Variants in AKAP13 observed in about 807,000 individuals in gnomAD.
The protein encoded by AKAP13 is A-kinase anchoring protein 13.
In AKAP13, 80 loss-of-function variants were observed where a neutral mutation model predicts 264.5. The observed-to-expected ratio is 0.30, with a 90% CI of 0.25 to 0.36. The LOEUF (loss-of-function observed/expected upper bound fraction) is 0.36, where lower values mean the gene tolerates loss of function less well. Ranked by LOEUF, AKAP13 falls within the 10% of genes least tolerant of loss-of-function variation. The probability of loss-of-function intolerance (pLI) is 1.00; values close to 1 mark genes in which losing one functional copy is unlikely to be tolerated. For synonymous variants in AKAP13, 1,380 were observed against 1,250.2 expected (o/e 1.10, Z -2.19); for missense variants, 3,712 against 3,435.2 (o/e 1.08, Z -2.01).
At chr15:85,557,535 G>A (rs1396399956) in intron 5 of AKAP13, among the ~76,000 whole-genome samples, 1 of 152,132 alleles carries the variant, frequency 6.6e-6, no homozygotes, top group South Asian at 2.1e-4. Context: ...CCAGGTTGGA[G>A]TGCAGTGGCC....
intron 2 of AKAP13, among the ~76,000 whole-genome samples, chr15:85,519,095 A>AT (rs940569493): frequency 1.9e-3 from 273 of 147,144 alleles, no homozygotes; most frequent in Middle Eastern, 7.2e-3. Context: ...ATCAAAGTGA[A>AT]TTTTTTTTTT....
chr15:85,686,286 T>C (rs1178920623), intron 16 of AKAP13, among the ~76,000 whole-genome samples: 1 of 152,066 alleles, frequency 6.6e-6, no homozygotes, highest in Non-Finnish European at 1.5e-5. Context: ...AAACATTGAA[T>C]TCAAGAATAT....
chr15:85,722,120 T>C lies in AKAP13; in HGVS notation c.6378+4T>C, dbSNP rs764101971. The C allele has an allele frequency of 3.7e-6, 6 of 1,613,500 alleles. No individual in the cohort carries two copies. The highest frequency in any genetic ancestry group is 1.7e-5 in the Admixed American group (1 of 59,872). On this transcript the variant is annotated splice_donor_region_variant and intron_variant, in intron 24 of 36. Transcript: ENST00000394518. ...GCGTTTTCAAGCCTTTGTAAAGGTA[T>C]TGATAAGAAACATGAAAATCCCCGT...
chr15:85,533,189 A>G (rs1315593584), intron 3 of AKAP13, among the ~76,000 whole-genome samples: 1 of 152,116 alleles, frequency 6.6e-6, no homozygotes, highest in African/African-American at 2.4e-5. Flanking sequence ...ATGTTTTCAG[A>G]TCTAATTTAG....
intron 30 of AKAP13, among the ~76,000 whole-genome samples, chr15:85,733,276 T>A (rs1010668254): frequency 6.6e-6 from 1 of 152,246 alleles, no homozygotes; most frequent in African/African-American, 2.4e-5. Context: ...AGGTATTAAT[T>A]ACTCTCAAGT....
At chr15:85,682,982 AT>A (rs1206843601) in intron 15 of AKAP13, among the ~76,000 whole-genome samples, 1 of 152,180 alleles carries the variant, frequency 6.6e-6, no homozygotes. Context: ...CAAGCAAAAG[AT>A]TTCTGTTCTG....
At chr15:85,483,849 T>C (rs1260057875) in intron 1 of AKAP13, among the ~76,000 whole-genome samples, 1 of 152,168 alleles carries the variant, frequency 6.6e-6, no homozygotes, top group East Asian at 1.9e-4. Flanking sequence ...ATTTTCTTTT[T>C]TTGCAATTTT....
chr15:85,744,077 A>G (rs1442888756), intron 36 of AKAP13: 2 of 488,256 alleles, frequency 4.1e-6, no homozygotes, highest in East Asian at 3.5e-5. Flanking sequence ...CGATCGAGGA[A>G]CTGGAGCTCA....
intron 2 of AKAP13, among the ~76,000 whole-genome samples, chr15:85,513,532 G>A (rs1328066598): frequency 6.6e-6 from 1 of 152,042 alleles, no homozygotes; most frequent in Non-Finnish European, 1.5e-5. Context: ...AACATCTTAC[G>A]CCATTTGCTG....
At chr15:85,594,871 G>A (rs1443636144) in intron 8 of AKAP13, among the ~76,000 whole-genome samples, 3 of 152,150 alleles carry the variant, frequency 2.0e-5, no homozygotes, top group Non-Finnish European at 2.9e-5. Flanking sequence ...CACCAGAAGA[G>A]TAAATGTGTA....
intron 8 of AKAP13, among the ~76,000 whole-genome samples, chr15:85,597,744 CT>C (rs920303418): frequency 6.6e-6 from 1 of 152,156 alleles, no homozygotes; most frequent in African/African-American, 2.4e-5. Flanking sequence ...TTGCCTTCTC[CT>C]TTCCTGAGCA....
chr15:85,676,862 G>A (rs1567189509), intron 14 of AKAP13: 1 of 818,742 alleles, frequency 1.2e-6, no homozygotes, highest in Non-Finnish European at 1.5e-6. Context: ...CATTCACCTA[G>A]ACAGCATTTC....
chr15:85,560,762 C>T (rs1229691394), intron 5 of AKAP13, among the ~76,000 whole-genome samples: 1 of 152,108 alleles, frequency 6.6e-6, no homozygotes, highest in Non-Finnish European at 1.5e-5. Flanking sequence ...CTTTTACCTA[C>T]TGATTTTTTG....
chr15:85,429,021 C>T (rs2072916597), intron 1 of AKAP13, among the ~76,000 whole-genome samples: 2 of 152,120 alleles, frequency 1.3e-5, no homozygotes, highest in Admixed American at 6.5e-5. Context: ...AACTGTGGTA[C>T]ATGCATAAAG....
chr15:85,624,046 A>G (rs1333914600), intron 8 of AKAP13, among the ~76,000 whole-genome samples: 2 of 152,362 alleles, frequency 1.3e-5, no homozygotes, highest in South Asian at 4.1e-4. Flanking sequence ...AGAGGACAGC[A>G]GGTATCAGAA....
chr15:85,654,339 T>C (rs905620432), intron 10 of AKAP13, among the ~76,000 whole-genome samples: 2 of 152,222 alleles, frequency 1.3e-5, no homozygotes, highest in African/African-American at 4.8e-5. Flanking sequence ...TTTGGAATAT[T>C]AATTTCAGCA....
intron 14 of AKAP13, chr15:85,677,028 C>T: frequency 1.0e-6 from 1 of 985,468 alleles, no homozygotes; most frequent in Non-Finnish European, 1.2e-6. Context: ...TCTCTCCGCT[C>T]CTCCTTAAGT....
intron 8 of AKAP13, among the ~76,000 whole-genome samples, chr15:85,637,978 C>T (rs2082139776): frequency 6.9e-6 from 1 of 144,506 alleles, no homozygotes; most frequent in South Asian, 2.2e-4. Flanking sequence ...CGGGTTCATG[C>T]CGTTCTGCCT....
At position 85,710,454 on chromosome 15, in the gene AKAP13, G is replaced by A. The variant is rs1040532362; in HGVS notation, c.5533-125G>A. ...TGGGGGCGACCGTGGCTGGGACACA[G>A]GGTGCTTAGGGCAGTGCAAAAAGCA... On this transcript the variant is annotated intron_variant, in intron 18 of 36. Coordinates refer to ENST00000394518, the MANE Select transcript of AKAP13 (RefSeq NM_007200.5). The A allele has an allele frequency of 5.1e-5, 40 of 788,038 alleles. No individual in the cohort carries two copies. The African/African-American group carries it at 7.0e-4, about 14-fold the overall frequency. 48.8% of individuals were successfully genotyped at this position (788,038 alleles called of 1,614,324 possible).
Sources: gnomAD v4.1 joint callset for allele counts (sites outside exome capture counted in the v4.1 genomes callset) on GRCh38, gnomAD v4.1.1 for gene constraint, MANE v1.5 for transcripts, NCBI Gene and HGNC (gene_info 2026-07-23, HGNC 2026-07-21) for gene names.